The following CMTR1 variants were observed in gnomAD, a reference collection of about 807,000 sequenced individuals.
The protein encoded by CMTR1 is cap-specific mRNA (nucleoside-2'-O-)-methyltransferase 1.
In CMTR1, 39 loss-of-function variants were observed where a neutral mutation model predicts 107.0. The ratio of observed to expected loss-of-function variants is 0.36; its 90% CI spans 0.28 to 0.48. The LOEUF is 0.48. CMTR1 is among the 20% of genes least tolerant of loss of function. The pLI is 0.99. For missense variants in CMTR1, 672 were observed against 1,064.9 expected (o/e 0.63, Z 5.14); for synonymous variants, 366 against 379.5 (o/e 0.96, Z 0.41).
At chr6:37,453,663 G>A (rs922005480) in intron 8 of CMTR1, among the ~76,000 whole-genome samples, 5 of 138,572 alleles carry the variant, frequency 3.6e-5, no homozygotes, top group Non-Finnish European at 7.9e-5. Flanking sequence ...TTTGAGTGTT[G>A]GATGAAATGT....
At chr6:37,470,057 C>T (rs1009437626) in intron 13 of CMTR1, among the ~76,000 whole-genome samples, 1 of 152,034 alleles carries the variant, frequency 6.6e-6, no homozygotes, top group African/African-American at 2.4e-5. Context: ...TCATCTCTAA[C>T]ATATTTTCAT....
intron 2 of CMTR1, among the ~76,000 whole-genome samples, chr6:37,440,292 T>G (rs1478674886): frequency 6.6e-6 from 1 of 152,218 alleles, no homozygotes; most frequent in Non-Finnish European, 1.5e-5. Context: ...TGCTAAATTC[T>G]TTATCGGTCT....
intron 2 of CMTR1, among the ~76,000 whole-genome samples, chr6:37,436,815 A>G (rs568802621): frequency 6.6e-6 from 1 of 152,204 alleles, no homozygotes; most frequent in African/African-American, 2.4e-5. Context: ...ACCATATTCA[A>G]CCCAGCACAC....
Position 37,472,455 on chromosome 6 carries a change from G to C in CMTR1, c.1657G>C (p.Asp553His), listed in dbSNP as rs199822671. ...DQARVAPSSS[D>H]PKSKFFELIQ... ...GGCTCGTGTGGCTCCTTCTTCCTCC[G>C]ACCCTAAATCGAAGTTCTTTGAGCT... The change falls in exon 16 of 24, where the codon GAC becomes CAC. Residue 553 changes from aspartate to histidine, a missense_variant. Physicochemically the swap from Asp to His is moderately conservative, Grantham distance 81 (BLOSUM62 -1). Around this residue, in one of 2 missense-constraint regions of CMTR1, gnomAD observed 583 missense variants for 968.4 expected, o/e 0.60. Coordinates refer to ENST00000373451, the MANE Select transcript of CMTR1 (RefSeq NM_015050.3). This position sits in a 1 kb window ranked among gnomAD's most constrained non-coding sequence, Gnocchi z 4.1. 3 of 1,614,082 alleles carry C rather than the reference G, an allele frequency of 1.9e-6. No homozygotes were observed. The highest frequency in any genetic ancestry group is 2.5e-6 in the Non-Finnish European group (3 of 1,180,004).
At position 37,433,290 on chromosome 6, in the gene CMTR1, G is replaced by GGGA. The variant is rs1423067254; in HGVS notation, c.-88_-86dup. On this transcript the variant is annotated 5_prime_UTR_variant, in exon 1 of 24. Coordinates refer to ENST00000373451, the MANE Select transcript of CMTR1 (RefSeq NM_015050.3). Reference sequence around the variant, plus strand: ...CTGGCTTGTGGGGAAACGAAACTGAGGGAGGAGGCGGCGGCTCTGGCAGCG... The same window carrying GGGA: ...CTGGCTTGTGGGGAAACGAAACTGAGGGAGGAGGAGGCGGCGGCTCTGGCAGCG... The GGGA allele has an allele frequency of 6.5e-6, 1 of 154,532 alleles. No individual in the cohort carries two copies. The highest frequency in any genetic ancestry group is 6.5e-5 in the Admixed American group (1 of 15,312). 9.6% of individuals were successfully genotyped at this position (154,532 alleles called of 1,614,324 possible). A position where few individuals can be genotyped will look rare whatever the true frequency, so the allele number is the denominator to read the frequency against.
chr6:37,464,927 T>TCGGGA, intron 13 of CMTR1, among the ~76,000 whole-genome samples: 1 of 147,354 alleles, frequency 6.8e-6, no homozygotes, highest in Non-Finnish European at 1.5e-5. Context: ...TGTGTGTGTG[T>TCGGGA]GTACAGACAA....
chr6:37,442,801 A>G (rs13437023), intron 2 of CMTR1, among the ~76,000 whole-genome samples: 2 of 152,212 alleles, frequency 1.3e-5, no homozygotes, highest in African/African-American at 4.8e-5. Context: ...AAATACCTGA[A>G]TAGTGACCAC....
intron 21 of CMTR1, 105 bp downstream of exon 21, chr6:37,477,744 G>A (rs1055825822): frequency 7.1e-6 from 3 of 421,402 alleles, no homozygotes; most frequent in African/African-American, 2.2e-5. Context: ...GCGGGGGGTG[G>A]TGAGCTGCCT....
rs142246031 is a variant in CMTR1 at position 37,478,409 on chromosome 6, G to A, written c.2154G>A (p.Arg718=). Residue 718 remains arginine (R), a splice_region_variant and synonymous_variant, in exon 22 of 24, where the codon AGG becomes AGA. Coordinates refer to ENST00000373451, the MANE Select transcript of CMTR1 (RefSeq NM_015050.3). ...RLEEMEKIFV[R]LEMKIIKGSS... ...GCACGTACCTTCTCGGGGAAATCAGGTTGGAGATGAAGATCATCAAGGGCT... is the reference window on the plus strand; with the variant it reads ...GCACGTACCTTCTCGGGGAAATCAGATTGGAGATGAAGATCATCAAGGGCT... 3,283 of 1,613,144 alleles carry A rather than the reference G, an allele frequency of 2.0e-3. 8 individuals are homozygous for A. Among genetic ancestry groups the A allele is most frequent in the Non-Finnish European group, 2.6e-3 (3,019 of 1,179,126 alleles).
chr6:37,453,633 G>C (rs999748558), intron 8 of CMTR1, among the ~76,000 whole-genome samples: 1 of 86,788 alleles, frequency 1.2e-5, no homozygotes, highest in Non-Finnish European at 2.2e-5. Flanking sequence ...GCTGTTTCTG[G>C]TAATGAGAGG....
In CMTR1 at chr6:37,435,734, T is replaced by C. The variant is rs761530313; in HGVS notation, c.105T>C (p.Pro35=). 1 of 1,597,220 alleles carries C rather than the reference T, an allele frequency of 6.3e-7. No homozygotes were observed. The highest frequency in any genetic ancestry group is 2.3e-5 in the East Asian group (1 of 43,788). The change falls in exon 2 of 24, where the codon CCT becomes CCC. Residue 35 remains proline, a synonymous_variant. Transcript: ENST00000373451. ...TCAGCTCCACGTCCGATGATGAACC[T>C]CCCTCCTCTGTCAGTCATGGAGCAA... ...LSLSSTSDDE[P]PSSVSHGAKA...
At chr6:37,479,677 T>C (rs1761815931) in intron 23 of CMTR1, among the ~76,000 whole-genome samples, 1 of 152,230 alleles carries the variant, frequency 6.6e-6, no homozygotes, top group Non-Finnish European at 1.5e-5. Flanking sequence ...GGTCATAGGC[T>C]TCCCCAGCAG....
Position 37,435,767 on chromosome 6 carries a change from G to T in CMTR1, c.133+5G>T. The T allele has an allele frequency of 6.3e-7, 1 of 1,583,584 alleles. No individual in the cohort carries two copies. The highest frequency in any genetic ancestry group is 8.6e-7 in the Non-Finnish European group (1 of 1,169,554). On this transcript the variant is annotated splice_donor_5th_base_variant and intron_variant, in intron 2 of 23. Transcript: ENST00000373451. ...CTGTCAGTCATGGAGCAAAAGGTAC[G>T]TGTGCTTGTGTGGTCTGAGGCCACT... is the stretch of plus-strand genomic sequence containing the variant.
At position 37,471,089 on chromosome 6, in the gene CMTR1, C is replaced by T. The variant is rs1296910942; in HGVS notation, c.1562+12C>T. ...TTTGTTCAAGACACGTGAGTGTTGC[C>T]CACTTTTCAGAAACCACCTATTTCA... On this transcript the variant is annotated intron_variant, in intron 14 of 23. Coordinates refer to ENST00000373451, the MANE Select transcript of CMTR1 (RefSeq NM_015050.3). 2.5e-6 allele frequency: 4 copies of T among 1,585,380 alleles called. No individual in the cohort carries two copies. Among genetic ancestry groups the T allele is most frequent in the Non-Finnish European group, 3.4e-6 (4 of 1,164,700 alleles).
In CMTR1 at chr6:37,446,461, A is replaced by T; in HGVS notation, c.444+12A>T. 2 of 1,603,274 alleles carry T rather than the reference A, an allele frequency of 1.2e-6. No homozygotes were observed. Among genetic ancestry groups the T allele is most frequent in the South Asian group, 1.1e-5 (1 of 89,852 alleles). On this transcript the variant is annotated intron_variant, in intron 4 of 23. Coordinates refer to ENST00000373451, the MANE Select transcript of CMTR1 (RefSeq NM_015050.3). ...GAGATGAGCCAGAGGTAAGTGTTAAAGTGAGGAGGAGATGGAAAAGCCACT... is the reference window on the plus strand; with the variant it reads ...GAGATGAGCCAGAGGTAAGTGTTAATGTGAGGAGGAGATGGAAAAGCCACT...
intron 20 of CMTR1, 51 bp from the exon 21 acceptor site, chr6:37,477,541 G>A (rs1420085328): frequency 2.6e-6 from 4 of 1,557,024 alleles, no homozygotes; most frequent in Non-Finnish European, 2.7e-6. Context: ...CCTCCTGGAT[G>A]AGAATGTCCC....
intron 6 of CMTR1, 22 bp downstream of exon 6, chr6:37,451,899 C>T: frequency 6.3e-7 from 1 of 1,598,650 alleles, no homozygotes. Flanking sequence ...TGGCTAGAAC[C>T]AGATAATGAA....
intron 13 of CMTR1, among the ~76,000 whole-genome samples, chr6:37,467,875 C>G (rs1459586831): frequency 6.6e-6 from 1 of 152,054 alleles, no homozygotes; most frequent in African/African-American, 2.4e-5. Flanking sequence ...GTGGTTGAGT[C>G]TTACCTTTTT....
chr6:37,454,952 G>T (rs1033800825), intron 8 of CMTR1, among the ~76,000 whole-genome samples: 1 of 152,114 alleles, frequency 6.6e-6, no homozygotes, highest in Non-Finnish European at 1.5e-5. Flanking sequence ...GAAGGCCCAG[G>T]CACACACCCA....
Sources: gnomAD v4.1 joint callset for allele counts (sites outside exome capture counted in the v4.1 genomes callset) on GRCh38, gnomAD v4.1.1 for gene constraint, gnomAD v4.1.1 regional missense constraint, Gnocchi (gnomAD v3.1) non-coding constraint, MANE v1.5 for transcripts, NCBI Gene and HGNC (gene_info 2026-07-23, HGNC 2026-07-21) for gene names.